Variants in BCAS3 observed in about 807,000 individuals in gnomAD.
BCAS3 encodes the protein BCAS3 microtubule associated cell migration factor, also known as BCAS4/BCAS3 fusion.
BCAS3 carries 53 observed loss-of-function variants against 116.1 expected under a neutral mutation model. The ratio of observed to expected loss-of-function variants is 0.46; its 90% CI spans 0.37 to 0.57. BCAS3 has a LOEUF of 0.57. BCAS3 is among the 20% of genes least tolerant of loss of function. The pLI is 0.00. For missense variants in BCAS3, 917 were observed against 1,165.4 expected, an observed-to-expected ratio of 0.79 and a Z score of 3.10; for synonymous variants, 391 against 408.2, an observed-to-expected ratio of 0.96 and a Z score of 0.51.
intron 7 of BCAS3, among the ~76,000 whole-genome samples, chr17:60,857,904 A>G (rs1456747381): frequency 6.6e-6 from 1 of 151,986 alleles, no homozygotes; most frequent in Non-Finnish European, 1.5e-5. Context: ...AGCTTTCGTA[A>G]CATTTGTTTT....
chr17:61,085,618 GCTAT>G (rs1284902847), intron 22 of BCAS3, among the ~76,000 whole-genome samples: 2 of 152,124 alleles, frequency 1.3e-5, no homozygotes, highest in Non-Finnish European at 2.9e-5. Flanking sequence ...CCCATCTAGG[GCTAT>G]GCCTTCATTT....
Position 60,910,635 on chromosome 17 carries a change from C to T in BCAS3, c.926C>T (p.Ser309Leu). The change falls in exon 12 of 24, where the codon TCA (serine) becomes TTA (leucine). Residue 309 changes from serine to leucine, a missense_variant. Transcript: ENST00000407086. Reference sequence around the variant, plus strand: ...GATGATGTTGCCATCCACAGTAATTCACGGCGGAGTCCTTTGGTCCCAGGC... The same window carrying T: ...GATGATGTTGCCATCCACAGTAATTTACGGCGGAGTCCTTTGGTCCCAGGC... The part of the protein sequence containing the change: ...TEDDVAIHSN[S>L]RRSPLVPGII... 6.2e-7 allele frequency: 1 copy of T among 1,613,354 alleles called. No individual in the cohort carries two copies.
At chr17:60,838,209 G>A (rs1410341441) in intron 7 of BCAS3, among the ~76,000 whole-genome samples, 1 of 152,022 alleles carries the variant, frequency 6.6e-6, no homozygotes, top group Non-Finnish European at 1.5e-5. Flanking sequence ...CATAGTTCCC[G>A]AATAAGAACA....
intron 22 of BCAS3, among the ~76,000 whole-genome samples, chr17:61,336,532 T>G (rs1170316733): frequency 1.3e-5 from 2 of 152,238 alleles, no homozygotes; most frequent in East Asian, 3.9e-4. Context: ...CCAGCTACGC[T>G]GGCAGCAGCC....
chr17:61,251,207 C>A lies in BCAS3; in HGVS notation c.2426-117120C>A, dbSNP rs2144547014. Among the ~76,000 whole-genome samples, 1 of 152,316 alleles carries A rather than the reference C, an allele frequency of 6.6e-6. No homozygotes were observed. The highest frequency in any genetic ancestry group is 1.5e-5 in the Non-Finnish European group (1 of 68,022). ...GGTGTCCCAGACAGTATTTGTCAGG[C>A]TGATGATAAGCTGGTGGAGAGTCTG... On this transcript the variant is annotated intron_variant, in intron 22 of 23. Transcript: ENST00000407086. The surrounding 1 kb of genome is among the most constrained non-coding windows in gnomAD (Gnocchi z 4.7).
intron 7 of BCAS3, among the ~76,000 whole-genome samples, chr17:60,845,897 G>A (rs2144781012): frequency 6.6e-6 from 1 of 150,388 alleles, no homozygotes; most frequent in Middle Eastern, 3.4e-3. Flanking sequence ...ATTCTGAGAA[G>A]CTGGGCCCAC....
chr17:61,274,134 G>A (rs944040305), intron 22 of BCAS3, among the ~76,000 whole-genome samples: 6 of 143,576 alleles, frequency 4.2e-5, no homozygotes, highest in African/African-American at 1.3e-4. Context: ...AACAGTCCCC[G>A]GTGTGTGATG....
At chr17:60,705,887 A>G (rs955530584) in intron 4 of BCAS3, among the ~76,000 whole-genome samples, 6 of 152,170 alleles carry the variant, frequency 3.9e-5, no homozygotes, top group African/African-American at 1.4e-4. Context: ...AGAAATTTGC[A>G]AAAATGTCAG....
intron 22 of BCAS3, among the ~76,000 whole-genome samples, chr17:61,237,551 G>A (rs1448950610): frequency 6.6e-6 from 1 of 152,166 alleles, no homozygotes; most frequent in Non-Finnish European, 1.5e-5. Context: ...TTGGGTCCTT[G>A]CCACCTTTAA....
intron 5 of BCAS3, among the ~76,000 whole-genome samples, chr17:60,712,537 T>A (rs771579618): frequency 1.3e-5 from 2 of 152,228 alleles, no homozygotes; most frequent in Non-Finnish European, 2.9e-5. Flanking sequence ...GAGGTGGAAC[T>A]AGAATTTAAA....
chr17:61,019,174 G>A lies in BCAS3; in HGVS notation c.1637+3273G>A, dbSNP rs115676780. The stretch of plus-strand genomic sequence containing the variant: ...GAACAACAGGCGAGTGAGCATCACC[G>A]CCTGAGCTCTGCCTCCTGTCAGATC... On this transcript the variant is annotated intron_variant, in intron 16 of 23. Transcript: ENST00000407086. The surrounding 1 kb of genome is among the most constrained non-coding windows in gnomAD (Gnocchi z 5.6). Among the ~76,000 whole-genome samples the A allele has an allele frequency of 0.052, 7,861 of 152,238 alleles. 729 individuals carry two copies. The highest frequency in any genetic ancestry group is 0.18 in the African/African-American group (7,419 of 41,506).
Position 61,128,082 on chromosome 17 carries a change from A to T in BCAS3, c.2425+43518A>T. 3.6e-6 allele frequency: 2 copies of T among 560,536 alleles called. No individual in the cohort carries two copies. The highest frequency in any genetic ancestry group is 4.5e-6 in the Non-Finnish European group (2 of 442,250). 34.7% of individuals were successfully genotyped at this position (560,536 alleles called of 1,614,324 possible). The stretch of plus-strand genomic sequence containing the variant: ...AAATGTGATTAAGGAGTTTGAATGT[A>T]ATTACCCAAAGTTTGGCTTTTCTTT... On this transcript the variant is annotated intron_variant, in intron 22 of 23. Transcript: ENST00000407086. The surrounding 1 kb of genome is among the most constrained non-coding windows in gnomAD (Gnocchi z 4.1).
At chr17:60,779,021 G>A (rs190665879) in intron 6 of BCAS3, among the ~76,000 whole-genome samples, 6 of 152,090 alleles carry the variant, frequency 3.9e-5, no homozygotes, top group Middle Eastern at 3.4e-3. Context: ...GGTTAATATG[G>A]CATTAGTGTT....
At chr17:61,093,037 G>T (rs2073723807) in intron 22 of BCAS3, among the ~76,000 whole-genome samples, 1 of 150,140 alleles carries the variant, frequency 6.7e-6, no homozygotes, top group Non-Finnish European at 1.5e-5. Context: ...CTCCCAAGTA[G>T]CTGGGACTAC....
intron 6 of BCAS3, among the ~76,000 whole-genome samples, chr17:60,765,978 G>A (rs1239987599): frequency 2.6e-5 from 4 of 151,924 alleles, no homozygotes; most frequent in Non-Finnish European, 5.9e-5. Context: ...AGATCGAATC[G>A]GCTACTGAAG....
intron 16 of BCAS3, among the ~76,000 whole-genome samples, chr17:61,033,252 A>T (rs1254577201): frequency 6.6e-6 from 1 of 152,172 alleles, no homozygotes; most frequent in Non-Finnish European, 1.5e-5. Context: ...GGTTTGTTTC[A>T]AAACACGGAT....
intron 8 of BCAS3, among the ~76,000 whole-genome samples, chr17:60,874,319 G>A (rs558588591): frequency 6.6e-6 from 1 of 152,284 alleles, no homozygotes; most frequent in Admixed American, 6.5e-5. Context: ...TGATCCTTCT[G>A]CCTTGGCCTC....
Position 60,838,035 on chromosome 17 carries a change from G to A in BCAS3, c.476+29959G>A, listed in dbSNP as rs143585975. Among the ~76,000 whole-genome samples, 22 of 151,996 alleles carry A rather than the reference G, an allele frequency of 1.4e-4. No homozygotes were observed. In the East Asian group the frequency reaches 4.2e-3, roughly 29 times the overall value. The stretch of plus-strand genomic sequence containing the variant: ...TTTAAAGCTTATTTTTCCCATGAAG[G>A]AAGGCCATAAAACAGTGATACAAGA... On this transcript the variant is annotated intron_variant, in intron 7 of 23. Transcript: ENST00000407086.
At position 61,199,755 on chromosome 17, in the gene BCAS3, C is replaced by A. The variant is rs537683895; in HGVS notation, c.2425+115191C>A. Among the ~76,000 whole-genome samples, 1 of 151,874 alleles carries A rather than the reference C, an allele frequency of 6.6e-6. No individual in the cohort carries two copies. Among genetic ancestry groups the A allele is most frequent in the Non-Finnish European group, 1.5e-5 (1 of 67,928 alleles). ...ATGATCTTTGTAAGCGTATTCATGCCAGGAATGTTGTCCTCAGCAATAGAT... is the reference window on the plus strand; with the variant it reads ...ATGATCTTTGTAAGCGTATTCATGCAAGGAATGTTGTCCTCAGCAATAGAT... On this transcript the variant is annotated intron_variant, in intron 22 of 23. Transcript: ENST00000407086. This position sits in a 1 kb window ranked among gnomAD's most constrained non-coding sequence, Gnocchi z 4.6.
Sources: allele counts gnomAD v4.1 joint callset (sites outside exome capture counted in the v4.1 genomes callset), GRCh38; gene constraint gnomAD v4.1.1; non-coding constraint Gnocchi (gnomAD v3.1); transcripts MANE v1.5; gene names NCBI Gene and HGNC (gene_info 2026-07-23, HGNC 2026-07-21).